CSMD1: variants seen among roughly 807,000 people sequenced by gnomAD.
CSMD1 encodes CUB and Sushi multiple domains 1.
In CSMD1, 213 loss-of-function variants were observed where a neutral mutation model predicts 417.5. The observed-to-expected ratio is 0.51, with a 90% CI of 0.46 to 0.57. CSMD1 has a LOEUF of 0.57. Among genes scored for constraint, CSMD1 ranks in the 20% least tolerant of loss-of-function variants. The probability of loss-of-function intolerance (pLI) is 0.00; values close to 1 mark genes in which losing one functional copy is unlikely to be tolerated. For synonymous variants in CSMD1, 2,862 were observed against 1,736.8 expected (o/e 1.65, Z -16.11); for missense variants, 6,923 against 4,529.7 (o/e 1.53, Z -15.17).
chr8:3,406,098 C>T lies in CSMD1; in HGVS notation c.2195G>A (p.Gly732Glu). The T allele has an allele frequency of 6.2e-7, 1 of 1,613,900 alleles. No individual in the cohort carries two copies. The highest frequency in any genetic ancestry group is 8.5e-7 in the Non-Finnish European group (1 of 1,179,864). Residue 732 changes from glycine (G) to glutamate (E), a missense_variant, in exon 15 of 70, where the codon GGA (glycine) becomes GAA (glutamate). Coordinates refer to ENST00000635120, the MANE Select transcript of CSMD1 (RefSeq NM_033225.6). ...CAGTATGCAGGTAATGGACTCGGATCCCTGGGTCTTGACAAAGCCATCATC... is the reference window on the plus strand; with the variant it reads ...CAGTATGCAGGTAATGGACTCGGATTCCTGGGTCTTGACAAAGCCATCATC... ...HCDDGFVKTQGSESITCILQD... is the reference protein window; with the variant it reads ...HCDDGFVKTQESESITCILQD...
intron 1 of CSMD1, among the ~76,000 whole-genome samples, chr8:4,975,784 T>G (rs562392914): frequency 6.6e-6 from 1 of 152,232 alleles, no homozygotes; most frequent in South Asian, 2.1e-4. Context: ...TGACCAGTTG[T>G]GGAGGAGTCA....
rs1287033659 is a variant in CSMD1 at position 4,310,042 on chromosome 8, G to A, written c.415+109911C>T. On this transcript the variant is annotated intron_variant, in intron 3 of 69. Coordinates refer to ENST00000635120, the MANE Select transcript of CSMD1 (RefSeq NM_033225.6). ...GGTATGAAAAGCCTTAGAAGACAGA[G>A]GGTAATGGAAAGATGAAGTATCAGG... Among the ~76,000 whole-genome samples, 7 of 152,134 alleles carry A rather than the reference G, an allele frequency of 4.6e-5. No homozygotes were observed. In the South Asian group the frequency reaches 8.3e-4, roughly 18 times the overall value.
At chr8:3,162,047 T>C (rs1268330304) in intron 38 of CSMD1, 112 bp downstream of exon 38, 1 of 692,976 alleles carries the variant, frequency 1.4e-6, no homozygotes, top group Non-Finnish European at 2.6e-6. Flanking sequence ...AATAGTATGA[T>C]TCACAAACTG....
At chr8:3,387,999 G>A (rs573848018) in intron 17 of CSMD1, among the ~76,000 whole-genome samples, 1 of 152,194 alleles carries the variant, frequency 6.6e-6, no homozygotes, top group South Asian at 2.1e-4. Flanking sequence ...TAAAGTCTAA[G>A]ACTTTTCCTG....
chr8:3,670,802 T>TATATATGTATATGGG, intron 7 of CSMD1, among the ~76,000 whole-genome samples: 1 of 150,722 alleles, frequency 6.6e-6, no homozygotes, highest in Non-Finnish European at 1.5e-5. Flanking sequence ...GTATATGGGA[T>TATATATGTATATGGG]ATATATGTAT....
At chr8:4,005,598 G>T (rs542139114) in intron 4 of CSMD1, among the ~76,000 whole-genome samples, 1 of 152,132 alleles carries the variant, frequency 6.6e-6, no homozygotes, top group African/African-American at 2.4e-5. Context: ...GTATTATAAG[G>T]TTTGCAGTCA....
intron 20 of CSMD1, among the ~76,000 whole-genome samples, chr8:3,360,311 G>A (rs990058350): frequency 6.6e-6 from 1 of 152,182 alleles, no homozygotes; most frequent in Non-Finnish European, 1.5e-5. Context: ...TGTCAGCACT[G>A]ATATCTCACT....
intron 3 of CSMD1, among the ~76,000 whole-genome samples, chr8:4,076,239 C>A (rs1324443201): frequency 6.6e-6 from 1 of 152,170 alleles, no homozygotes; most frequent in Non-Finnish European, 1.5e-5. Context: ...CGTTTCTTGG[C>A]ACTTCTCTCT....
intron 3 of CSMD1, among the ~76,000 whole-genome samples, chr8:4,158,133 T>G (rs1796941389): frequency 6.6e-6 from 1 of 151,206 alleles, no homozygotes; most frequent in Admixed American, 6.6e-5. Flanking sequence ...CTGCAGTCCC[T>G]GAGGTCAGAC....
chr8:3,881,964 A>C (rs990177430), intron 5 of CSMD1, among the ~76,000 whole-genome samples: 7 of 152,344 alleles, frequency 4.6e-5, no homozygotes, highest in Middle Eastern at 3.4e-3. Flanking sequence ...AACTTGAAAG[A>C]TGAAACAAAT....
intron 2 of CSMD1, among the ~76,000 whole-genome samples, chr8:4,446,901 G>A (rs150351229): frequency 6.6e-5 from 10 of 151,368 alleles, no homozygotes; most frequent in South Asian, 2.1e-4. Flanking sequence ...GATTACAGGC[G>A]TGAGCCATTG....
At position 3,136,607 on chromosome 8, in the gene CSMD1, A is replaced by T. The variant is rs1818110018; in HGVS notation, c.6241+5858T>A. The stretch of plus-strand genomic sequence containing the variant: ...TGGTAGCGACGGAAGAGATGCAGTG[A>T]ATAGAAGAGAAGAACACCACTGCCA... On this transcript the variant is annotated intron_variant, in intron 41 of 69. Coordinates refer to ENST00000635120, the MANE Select transcript of CSMD1 (RefSeq NM_033225.6). 2.0e-5 allele frequency among the ~76,000 whole-genome samples: 3 copies of T among 152,042 alleles called. No individual in the cohort carries two copies. In the South Asian group the frequency reaches 6.2e-4, roughly 32 times the overall value.
At chr8:4,448,611 A>G (rs1368424281) in intron 2 of CSMD1, among the ~76,000 whole-genome samples, 2 of 152,230 alleles carry the variant, frequency 1.3e-5, no homozygotes, top group East Asian at 3.8e-4. Flanking sequence ...GTATCAATTA[A>G]TAAATGTAAT....
At chr8:4,850,309 C>T (rs1034293158) in intron 1 of CSMD1, among the ~76,000 whole-genome samples, 10 of 150,628 alleles carry the variant, frequency 6.6e-5, no homozygotes, top group South Asian at 2.1e-4. Flanking sequence ...TCCCATTCTA[C>T]GGCTTGTGTT....
At chr8:3,235,790 G>A (rs73185525) in intron 26 of CSMD1, among the ~76,000 whole-genome samples, 16 of 151,878 alleles carry the variant, frequency 1.1e-4, no homozygotes, top group Admixed American at 2.6e-4. Context: ...TTTGGAATAC[G>A]TATAACAATA....
intron 1 of CSMD1, among the ~76,000 whole-genome samples, chr8:4,983,234 G>A (rs1227701056): frequency 6.6e-6 from 1 of 152,218 alleles, no homozygotes; most frequent in Non-Finnish European, 1.5e-5. Flanking sequence ...AGCAGGCACA[G>A]TGACTGGAAG....
At chr8:4,485,856 C>G (rs949482888) in intron 2 of CSMD1, among the ~76,000 whole-genome samples, 3 of 151,644 alleles carry the variant, frequency 2.0e-5, no homozygotes, top group African/African-American at 7.3e-5. Flanking sequence ...GTCAAAAACC[C>G]CATTATGGTG....
chr8:4,443,489 C>G lies in CSMD1; in HGVS notation c.303-23424G>C, dbSNP rs79930084. Among the ~76,000 whole-genome samples, 834 of 152,256 alleles carry G rather than the reference C, an allele frequency of 5.5e-3. 3 individuals carry two copies. The highest frequency in any genetic ancestry group is 0.019 in the African/African-American group (807 of 41,544). On this transcript the variant is annotated intron_variant, in intron 2 of 69. Transcript: ENST00000635120. ...ATTTATCTTTTCATCTTATGTGTTT[C>G]TTTATATGCCACATATATTAACACC... is the stretch of plus-strand genomic sequence containing the variant.
At chr8:4,412,639 C>G (rs889107552) in intron 3 of CSMD1, among the ~76,000 whole-genome samples, 3 of 152,158 alleles carry the variant, frequency 2.0e-5, no homozygotes, top group African/African-American at 4.8e-5. Flanking sequence ...CCAACGGAAT[C>G]AGAAACTAGA....
Sources: gnomAD v4.1 joint callset for allele counts (sites outside exome capture counted in the v4.1 genomes callset) on GRCh38, gnomAD v4.1.1 for gene constraint, MANE v1.5 for transcripts, NCBI Gene and HGNC (gene_info 2026-07-23, HGNC 2026-07-21) for gene names.